Variants in ZNF577 observed in about 807,000 individuals in gnomAD.
ZNF577 encodes the protein zinc finger protein 577.
In ZNF577, 14 loss-of-function variants were observed where a neutral mutation model predicts 13.9. That is an observed-to-expected ratio of 1.00 (90% confidence interval 0.66 to 1.57). The LOEUF is 1.57. Among genes scored for constraint, ZNF577 ranks in the 40% most tolerant of loss-of-function variants. The pLI, the probability that ZNF577 is intolerant of heterozygous loss-of-function variation, is 0.00. For missense variants in ZNF577, 555 were observed against 579.2 expected (o/e 0.96, Z 0.43); for synonymous variants, 203 against 202.9 (o/e 1.00, Z 0.00).
chr19:51,877,581 C>G, intron 4 of ZNF577: 1 of 407,534 alleles, frequency 2.5e-6, no homozygotes, highest in African/African-American at 2.1e-5. Flanking sequence ...TGGCTACTAT[C>G]AAAAAAACAA....
In ZNF577 at chr19:51,824,009, G is replaced by C. The variant is rs779215430; in HGVS notation, c.*600-12335C>G. 6.2e-7 allele frequency: 1 copy of C among 1,614,134 alleles called. No homozygotes were observed. The highest frequency in any genetic ancestry group is 8.5e-7 in the Non-Finnish European group (1 of 1,179,982). ...CATTCCGAATGGTCTCAGTCGCCAT[G>C]AGAGAAAAATGGCCTTTTGGCTCAT... On this transcript the variant is annotated intron_variant and NMD_transcript_variant, in intron 9 of 10. Coordinates refer to the ZNF577 transcript ENST00000638827. This position sits in a 1 kb window ranked among gnomAD's most constrained non-coding sequence, Gnocchi z 4.7.
intron 9 of ZNF577, among the ~76,000 whole-genome samples, chr19:51,836,357 A>G (rs909393845): frequency 7.8e-6 from 1 of 127,486 alleles, no homozygotes; most frequent in East Asian, 2.5e-4. Flanking sequence ...AAATCTTACC[A>G]TTCAAATAAA....
chr19:51,852,201 T>A (rs1276001384), intron 5 of ZNF577, among the ~76,000 whole-genome samples: 13 of 152,206 alleles, frequency 8.5e-5, no homozygotes, highest in Non-Finnish European at 4.4e-5. Context: ...GAAAGCTCAT[T>A]TCAATCAAGT....
chr19:51,854,435 C>A (rs996413953), intron 5 of ZNF577, among the ~76,000 whole-genome samples: 1 of 151,564 alleles, frequency 6.6e-6, no homozygotes, highest in East Asian at 1.9e-4. Flanking sequence ...CTCAGGCAAT[C>A]CTCCTGCCTC....
chr19:51,874,720 G>T (rs540655554), intron 5 of ZNF577, among the ~76,000 whole-genome samples: 32 of 152,284 alleles, frequency 2.1e-4, no homozygotes, highest in Admixed American at 1.2e-3. Context: ...CTGTCCTATG[G>T]AGAATGAATT....
intron 9 of ZNF577, chr19:51,823,699 G>A (rs767584609): frequency 1.5e-5 from 21 of 1,426,044 alleles, no homozygotes; most frequent in Non-Finnish European, 1.9e-5. Context: ...TTGTAAGATG[G>A]TGTCACAGCT....
intron 5 of ZNF577, among the ~76,000 whole-genome samples, chr19:51,856,566 A>T (rs2084423162): frequency 2.0e-5 from 3 of 152,190 alleles, no homozygotes; most frequent in African/African-American, 7.2e-5. Flanking sequence ...AAATCCTTTA[A>T]TTATCCGTAT....
intron 9 of ZNF577, among the ~76,000 whole-genome samples, chr19:51,812,098 T>C (rs1362759302): frequency 6.6e-6 from 1 of 152,208 alleles, no homozygotes; most frequent in Non-Finnish European, 1.5e-5. Context: ...TGGAGGTAGG[T>C]TGCTCTAAAA....
chr19:51,812,094 T>C (rs752868724), intron 9 of ZNF577, among the ~76,000 whole-genome samples: 4 of 152,154 alleles, frequency 2.6e-5, no homozygotes, highest in Non-Finnish European at 5.9e-5. Context: ...ATGTTGGAGG[T>C]AGGTTGCTCT....
At chr19:51,875,489 T>G (rs755137799) in intron 5 of ZNF577, among the ~76,000 whole-genome samples, 4 of 152,006 alleles carry the variant, frequency 2.6e-5, no homozygotes, top group Admixed American at 6.6e-5. Flanking sequence ...AAATGCAACG[T>G]GATCAAATGC....
At position 51,838,672 on chromosome 19, in the gene ZNF577, T is replaced by G. The variant is rs148272966; in HGVS notation, c.*599+1221A>C. Among the ~76,000 whole-genome samples, 136 of 150,004 alleles carry G rather than the reference T, an allele frequency of 9.1e-4. 1 individual carries two copies. Among genetic ancestry groups the G allele is most frequent in the Non-Finnish European group, 1.5e-3 (99 of 67,518 alleles). The stretch of plus-strand genomic sequence containing the variant: ...TAAATTTAATTTAAAAGTTTAAATA[T>G]GCGTTTAACCTGATCTGCTTTATGT... On this transcript the variant is annotated intron_variant and NMD_transcript_variant, in intron 9 of 10. Coordinates refer to the ZNF577 transcript ENST00000638827.
chr19:51,805,227 C>G (rs916721471), exon 11 of ZNF577: 1 of 152,218 alleles, frequency 6.6e-6, no homozygotes, highest in East Asian at 1.9e-4. Flanking sequence ...TCTCATTCTC[C>G]GATTGGCGGT....
intron 5 of ZNF577, among the ~76,000 whole-genome samples, chr19:51,874,560 G>T (rs1451842149): frequency 6.6e-6 from 1 of 151,968 alleles, no homozygotes; most frequent in Non-Finnish European, 1.5e-5. Context: ...AAATACAAAA[G>T]TTTGGCAAGG....
chr19:51,875,202 C>CA (rs67698248), intron 5 of ZNF577, among the ~76,000 whole-genome samples: 17,211 of 150,812 alleles, frequency 0.11, 1,928 homozygotes, highest in African/African-American at 0.27. Context: ...ACTAAAAATA[C>CA]AAAAAAAAGG....
rs2084590297 is a variant in ZNF577, at chr19:51,867,852, A to G, written c.*4680T>C. Among the ~76,000 whole-genome samples the G allele has an allele frequency of 6.6e-6, 1 of 152,180 alleles. No individual in the cohort carries two copies. The highest frequency in any genetic ancestry group is 6.5e-5 in the Admixed American group (1 of 15,276). ...AAAGCTAGGGTTGGAAAAAGCCCTCAGAGGTCAGACTAATCAGCACCAATG... is the reference window on the plus strand; with the variant it reads ...AAAGCTAGGGTTGGAAAAAGCCCTCGGAGGTCAGACTAATCAGCACCAATG... On this transcript the variant is annotated 3_prime_UTR_variant, in exon 6 of 6. Transcript: ENST00000638348.
chr19:51,852,661 G>C (rs1052606544), intron 5 of ZNF577, among the ~76,000 whole-genome samples: 1 of 152,198 alleles, frequency 6.6e-6, no homozygotes, highest in Non-Finnish European at 1.5e-5. Flanking sequence ...CTTTCTCTGT[G>C]TAGAGATCTT....
chr19:51,848,397 A>G (rs752183609), intron 5 of ZNF577, among the ~76,000 whole-genome samples: 16 of 152,228 alleles, frequency 1.1e-4, no homozygotes, highest in Non-Finnish European at 2.1e-4. Flanking sequence ...ATATACCCAA[A>G]GGAAATGAAA....
intron 8 of ZNF577, among the ~76,000 whole-genome samples, chr19:51,842,206 G>C (rs1014537716): frequency 6.6e-6 from 1 of 152,184 alleles, no homozygotes; most frequent in African/African-American, 2.4e-5. Context: ...ATCTCAACCA[G>C]AGGGAGAAAG....
chr19:51,877,344 T>C lies in ZNF577; in HGVS notation c.221A>G (p.Lys74Arg), dbSNP rs769492914. ...CCCTGGGGGTTCTCCTTGCTCCAAC[T>C]TGAAGAGCGAATCTGGCTTGGTGCC... Reference protein sequence around the residue: ...YRGTKPDSLFKLEQGEPPGIA... With the variant: ...YRGTKPDSLFRLEQGEPPGIA... The change falls in exon 5 of 6, where the codon AAG becomes AGG. Residue 74 changes from lysine to arginine, a missense_variant. Lys to Arg is a conservative substitution (Grantham distance 26, BLOSUM62 2). Transcript: ENST00000638348. 29 of 1,614,038 alleles carry C rather than the reference T, an allele frequency of 1.8e-5. No homozygotes were observed. Among genetic ancestry groups the C allele is most frequent in the East Asian group, 4.5e-5 (2 of 44,888 alleles).
Sources: allele counts gnomAD v4.1 joint callset (sites outside exome capture counted in the v4.1 genomes callset), GRCh38; gene constraint gnomAD v4.1.1; non-coding constraint Gnocchi (gnomAD v3.1); transcripts MANE v1.5; gene names NCBI Gene and HGNC (gene_info 2026-07-23, HGNC 2026-07-21).